The following FLCN variants were observed in gnomAD, a reference collection of about 807,000 sequenced individuals.
The protein encoded by FLCN is folliculin, also known as BHD skin lesion fibrofolliculoma protein.
Under a neutral mutation model 62.5 loss-of-function variants are expected in FLCN, and 22 were observed. The ratio of observed to expected loss-of-function variants is 0.35; its 90% CI spans 0.25 to 0.50. The LOEUF is 0.50. FLCN is among the 20% of genes least tolerant of loss of function. The pLI is 0.97. For missense variants in FLCN, 657 were observed against 778.0 expected (o/e 0.84, Z 1.85); for synonymous variants, 319 against 310.0 (o/e 1.03, Z -0.30).
rs2145014702 is a variant in FLCN at position 17,226,318 on chromosome 17, C to T, written c.254G>A (p.Cys85Tyr). ...GPKKSDMCEG[C>Y]RSLAAGHPGY... ...CGGGTGCCCTGCAGCAAGTGACCGG[C>T]AGCCCTGTCCATGAAAAGGAAAAGT... The change falls in exon 5 of 14, where the codon TGC becomes TAC. Residue 85 changes from cysteine to tyrosine, a missense_variant. Physicochemically the swap from Cys to Tyr is radical, Grantham distance 194. Coordinates refer to ENST00000285071, the MANE Select transcript of FLCN (RefSeq NM_144997.7). 6.2e-7 allele frequency: 1 copy of T among 1,614,210 alleles called. No homozygotes were observed. The highest frequency in any genetic ancestry group is 8.5e-7 in the Non-Finnish European group (1 of 1,180,040).
In FLCN at chr17:17,214,974, C is replaced by T. The variant is rs768168088; in HGVS notation, c.1538+11G>A. On this transcript the variant is annotated intron_variant, in intron 13 of 13. Coordinates refer to ENST00000285071, the MANE Select transcript of FLCN (RefSeq NM_144997.7). Reference sequence around the variant, plus strand: ...CGCAAGCAAAGGGGCCTCACCCACACTGTTGCTTACTTCATCCACTCCTCC... The same window carrying T: ...CGCAAGCAAAGGGGCCTCACCCACATTGTTGCTTACTTCATCCACTCCTCC... The T allele has an allele frequency of 6.2e-7, 1 of 1,613,482 alleles. No homozygotes were observed. Among genetic ancestry groups the T allele is most frequent in the South Asian group, 1.1e-5 (1 of 91,048 alleles).
intron 7 of FLCN, 90 bp downstream of exon 7, chr17:17,222,411 G>A (rs1425757752): frequency 1.9e-6 from 3 of 1,575,152 alleles, no homozygotes; most frequent in Non-Finnish European, 2.6e-6. Context: ...CACGGCTAAG[G>A]ACTGTTCTCC....
rs1283201701 is a variant in FLCN, at chr17:17,229,796, GGA to G, written c.-24-1637_-24-1636del. Among the ~76,000 whole-genome samples the G allele has an allele frequency of 2.0e-5, 3 of 152,228 alleles. No individual in the cohort carries two copies. The East Asian group carries it at 5.8e-4, about 29-fold the overall frequency. Reference sequence around the variant, plus strand: ...CAGGAGTGGGTAGAGAGAGCCCTTTGGAGAGTTTCCGTGGCAGAGCCAGCAAT... The same window carrying G: ...CAGGAGTGGGTAGAGAGAGCCCTTTGGAGTTTCCGTGGCAGAGCCAGCAAT... On this transcript the variant is annotated intron_variant, in intron 3 of 13. Coordinates refer to ENST00000285071, the MANE Select transcript of FLCN (RefSeq NM_144997.7).
intron 13 of FLCN, among the ~76,000 whole-genome samples, chr17:17,214,590 G>A (rs979744428): frequency 3.3e-5 from 5 of 151,776 alleles, no homozygotes; most frequent in Admixed American, 1.3e-4. Flanking sequence ...GCCAAACTCT[G>A]ACTCAAAAAA....
At chr17:17,230,497 TCGAGCCTGG>T (rs1217347936) in intron 3 of FLCN, among the ~76,000 whole-genome samples, 1 of 151,638 alleles carries the variant, frequency 6.6e-6, no homozygotes, top group East Asian at 1.9e-4. Context: ...ACCACGGCAC[TCGAGCCTGG>T]GCAACAAAGT....
intron 7 of FLCN, among the ~76,000 whole-genome samples, chr17:17,221,881 C>A (rs553050917): frequency 1.4e-4 from 22 of 152,220 alleles, no homozygotes; most frequent in Admixed American, 9.2e-4. Flanking sequence ...AGACTTGGGG[C>A]GCTGCTCCGA....
intron 6 of FLCN, chr17:17,222,953 T>G (rs2047140683): frequency 2.2e-6 from 1 of 454,574 alleles, no homozygotes; most frequent in African/African-American, 2.0e-5. Context: ...CCATCTGCGC[T>G]GCTCCCCACC....
At chr17:17,221,704 C>T (rs1265656070) in intron 7 of FLCN, 76 bp from the exon 8 acceptor site, 2 of 1,498,282 alleles carry the variant, frequency 1.3e-6, no homozygotes, top group African/African-American at 2.8e-5. Flanking sequence ...AGCCCCTGAT[C>T]CTACCAGTTT....
At chr17:17,221,166 C>T (rs923020506) in intron 8 of FLCN, 19 of 1,446,950 alleles carry the variant, frequency 1.3e-5, no homozygotes, top group Admixed American at 9.3e-5. Context: ...AAACTTGGGA[C>T]GAACTGAAAC....
chr17:17,225,178 CG>C (rs1333627637), intron 5 of FLCN: 14 of 152,366 alleles, frequency 9.2e-5, no homozygotes, highest in African/African-American at 3.1e-4. Context: ...GAGAGCAGCA[CG>C]GGATCATCAC....
At chr17:17,222,914 A>G in intron 6 of FLCN, 3 of 516,090 alleles carry the variant, frequency 5.8e-6, no homozygotes, top group South Asian at 3.8e-5. Context: ...TGAGTGACCC[A>G]AGGCACCCAG....
At chr17:17,224,807 G>GGATTA (rs1311675495) in intron 5 of FLCN, 12 of 157,958 alleles carry the variant, frequency 7.6e-5, no homozygotes, top group Admixed American at 5.4e-4. Flanking sequence ...CAAAGGGCTG[G>GGATTA]GATTACAGGA....
intron 1 of FLCN, among the ~76,000 whole-genome samples, chr17:17,235,132 C>T (rs1022875207): frequency 7.1e-5 from 10 of 140,124 alleles, no homozygotes; most frequent in Admixed American, 2.2e-4. Context: ...AAAAAAAAAG[C>T]CAGGCATGGT....
intron 12 of FLCN, 46 bp downstream of exon 12, chr17:17,215,139 G>C: frequency 6.2e-7 from 1 of 1,613,898 alleles, no homozygotes. Flanking sequence ...AGCGCGGGGC[G>C]GGGGCATCTT....
Position 17,215,339 on chromosome 17 carries a change from G to A in FLCN, c.1301-23C>T, listed in dbSNP as rs200292605. ...ACTCTGTAACAACACAAGGCCCGTG[G>A]CTCCTCATCTCCCCCATGCTCCTCA... is the stretch of plus-strand genomic sequence containing the variant. On this transcript the variant is annotated intron_variant, in intron 11 of 13. Transcript: ENST00000285071. The A allele has an allele frequency of 2.8e-4, 448 of 1,612,784 alleles. No individual in the cohort carries two copies. The African/African-American group carries it at 5.0e-3, about 18-fold the overall frequency.
At position 17,216,759 on chromosome 17, in the gene FLCN, T is replaced by TA. The variant is rs1402401069; in HGVS notation, c.1177-257dup. 2.0e-5 allele frequency among the ~76,000 whole-genome samples: 3 copies of TA among 152,208 alleles called. No individual in the cohort carries two copies. The highest frequency in any genetic ancestry group is 4.4e-5 in the Non-Finnish European group (3 of 68,018). On this transcript the variant is annotated intron_variant, in intron 10 of 13. Transcript: ENST00000285071. The surrounding 1 kb of genome is among the most constrained non-coding windows in gnomAD (Gnocchi z 4.0). ...CCCCTCGCTCTGTGGTGTTAACTCA[T>TA]ATTAATGTTTGCCTGCACAGATGTT...
intron 6 of FLCN, 24 bp from the exon 7 acceptor site, chr17:17,222,685 G>C (rs541359655): frequency 1.2e-6 from 2 of 1,614,044 alleles, no homozygotes; most frequent in Non-Finnish European, 1.7e-6. Context: ...GGAAGGGATG[G>C]CCTCTTTAAG....
intron 5 of FLCN, 108 bp from the exon 6 acceptor site, chr17:17,224,251 T>A: frequency 2.0e-6 from 2 of 1,023,602 alleles, no homozygotes; most frequent in South Asian, 2.7e-5. Context: ...CAGCCAGCGT[T>A]AATAACGGGG....
At chr17:17,224,355 G>A (rs759275125) in intron 5 of FLCN, 2 of 598,016 alleles carry the variant, frequency 3.3e-6, no homozygotes, top group East Asian at 2.8e-5. Context: ...TGGACTGCAA[G>A]GGCCGGTAAC....
Sources: allele counts gnomAD v4.1 joint callset (sites outside exome capture counted in the v4.1 genomes callset), GRCh38; gene constraint gnomAD v4.1.1; non-coding constraint Gnocchi (gnomAD v3.1); transcripts MANE v1.5; gene names NCBI Gene and HGNC (gene_info 2026-07-23, HGNC 2026-07-21).